The following RFLNA variants were observed in gnomAD, a reference collection of about 807,000 sequenced individuals.
RFLNA encodes refilin A.
RFLNA carries 5 observed loss-of-function variants against 7.8 expected under a neutral mutation model. That is an observed-to-expected ratio of 0.64 (90% confidence interval 0.34 to 1.35). The LOEUF (loss-of-function observed/expected upper bound fraction) is 1.35. Ranked by LOEUF, RFLNA falls within the 40% of genes most tolerant of loss-of-function variation. The pLI, the probability that RFLNA is intolerant of heterozygous loss-of-function variation, is 0.04. For missense variants in RFLNA, 278 were observed against 305.5 expected (o/e 0.91, Z 0.67); for synonymous variants, 141 against 131.3 (o/e 1.07, Z -0.50).
chr12:124,312,340 T>C (rs533507025), intron 2 of RFLNA, among the ~76,000 whole-genome samples: 2 of 150,904 alleles, frequency 1.3e-5, no homozygotes, highest in East Asian at 3.9e-4. Context: ...TGATGGGATC[T>C]CACTGTGTCA....
At chr12:124,300,557 G>GGGAA (rs1297318914) in intron 1 of RFLNA, among the ~76,000 whole-genome samples, 1 of 149,358 alleles carries the variant, frequency 6.7e-6, no homozygotes, top group East Asian at 2.1e-4. Flanking sequence ...TGCTGGGGTT[G>GGGAA]GGAAGGATGG....
chr12:124,303,428 C>A (rs191137697), intron 1 of RFLNA, among the ~76,000 whole-genome samples: 10 of 152,352 alleles, frequency 6.6e-5, no homozygotes, highest in African/African-American at 2.4e-4. Flanking sequence ...TCCTGCCCCC[C>A]ACACTGTCCT....
chr12:124,314,998 T>TC lies in RFLNA; in HGVS notation c.*474dup, dbSNP rs1274925322. The TC allele has an allele frequency of 3.5e-6, 1 of 283,614 alleles. No homozygotes were observed. The highest frequency in any genetic ancestry group is 2.2e-5 in the African/African-American group (1 of 45,590). 17.6% of individuals were successfully genotyped at this position (283,614 alleles called of 1,614,324 possible). ...ATGTGTGAGGGAAGAGGGGTACCTC[T>TC]CTTCCCTGCTGCTGGCCTGGGGTAT... On this transcript the variant is annotated 3_prime_UTR_variant, in exon 3 of 3. Coordinates refer to ENST00000546355, the MANE Select transcript of RFLNA (RefSeq NM_001365156.1).
chr12:124,290,281 T>C (rs999333206), upstream of RFLNA, among the ~76,000 whole-genome samples: 3 of 152,232 alleles, frequency 2.0e-5, no homozygotes, highest in Admixed American at 6.5e-5. This position sits in a 1 kb window ranked among gnomAD's most constrained non-coding sequence, Gnocchi z 4.0. Flanking sequence ...TGTGTATATG[T>C]ATGTATGTGC....
intron 1 of RFLNA, among the ~76,000 whole-genome samples, chr12:124,307,379 C>A (rs1344071178): frequency 2.7e-5 from 4 of 150,474 alleles, no homozygotes; most frequent in Admixed American, 6.6e-5. Context: ...GTGACTCCCA[C>A]CCCCAGGAGT....
intron 1 of RFLNA, among the ~76,000 whole-genome samples, chr12:124,303,842 C>A (rs1310747967): frequency 6.6e-6 from 1 of 151,882 alleles, no homozygotes; most frequent in Non-Finnish European, 1.5e-5. Flanking sequence ...CCTCACAGAC[C>A]GGCTGGGGGT....
rs1359178015 is a variant in RFLNA at position 124,314,243 on chromosome 12, C to A, written c.369C>A (p.Val123=). The part of the protein sequence containing the change: ...YASEKHFQDK[V]FYAPVPTVTA... The stretch of plus-strand genomic sequence containing the variant: ...CGGAGAAGCATTTCCAGGACAAGGT[C>A]TTCTATGCGCCCGTACCCACCGTCA... The change falls in exon 3 of 3, where the codon GTC becomes GTA. Residue 123 remains valine, a synonymous_variant. Transcript: ENST00000546355. 6.2e-7 allele frequency: 1 copy of A among 1,613,462 alleles called. No individual in the cohort carries two copies. Among genetic ancestry groups the A allele is most frequent in the African/African-American group, 1.3e-5 (1 of 74,942 alleles).
At chr12:124,297,950 T>C (rs2033960021) in intron 1 of RFLNA, among the ~76,000 whole-genome samples, 1 of 152,076 alleles carries the variant, frequency 6.6e-6, no homozygotes, top group Non-Finnish European at 1.5e-5. Flanking sequence ...GGTGCAAATA[T>C]CGGCACCCCA....
At chr12:124,312,145 C>T (rs1285215704) in intron 2 of RFLNA, among the ~76,000 whole-genome samples, 1 of 152,036 alleles carries the variant, frequency 6.6e-6, no homozygotes, top group African/African-American at 2.4e-5. Flanking sequence ...CCCAAGGGAC[C>T]CTCTGTATCC....
intron 2 of RFLNA, among the ~76,000 whole-genome samples, chr12:124,313,872 C>T (rs949232753): frequency 6.6e-5 from 10 of 152,286 alleles, no homozygotes; most frequent in Non-Finnish European, 1.2e-4. Context: ...CACACGGTGA[C>T]GCCAGCACCT....
chr12:124,298,790 C>T (rs1338268986), intron 1 of RFLNA, among the ~76,000 whole-genome samples: 1 of 152,164 alleles, frequency 6.6e-6, no homozygotes, highest in East Asian at 1.9e-4. Flanking sequence ...TAATAGAAAC[C>T]CACACACACT....
rs748745670 is a variant in RFLNA, at chr12:124,311,930, G to A, written c.317+3G>A. 2 of 1,555,806 alleles carry A rather than the reference G, an allele frequency of 1.3e-6. No homozygotes were observed. The highest frequency in any genetic ancestry group is 1.8e-5 in the Admixed American group (1 of 54,342). On this transcript the variant is annotated splice_donor_region_variant and intron_variant, in intron 2 of 2. Coordinates refer to ENST00000546355, the MANE Select transcript of RFLNA (RefSeq NM_001365156.1). ...CCGGAACCCACGCATGAGATCCGGT[G>A]AGTGGGCCACTGGGCTCTGCGCGGG...
upstream of RFLNA, among the ~76,000 whole-genome samples, chr12:124,292,519 G>T (rs1022252067): frequency 6.6e-6 from 1 of 152,210 alleles, no homozygotes; most frequent in African/African-American, 2.4e-5. Context: ...CACAGTACCG[G>T]CTTTCAATTG....
intron 1 of RFLNA, among the ~76,000 whole-genome samples, chr12:124,309,887 G>A (rs1050292722): frequency 6.6e-6 from 1 of 152,160 alleles, no homozygotes; most frequent in African/African-American, 2.4e-5. Context: ...AGGCTTTAGG[G>A]GCCAGGCGTG....
At chr12:124,291,417 G>A (rs1344261714), upstream of RFLNA, among the ~76,000 whole-genome samples, 18 of 152,018 alleles carry the variant, frequency 1.2e-4, no homozygotes, top group African/African-American at 4.1e-4. Context: ...ACCACACCTG[G>A]CTAATTTTTA....
chr12:124,308,019 T>C (rs2135688314), intron 1 of RFLNA, among the ~76,000 whole-genome samples: 1 of 151,372 alleles, frequency 6.6e-6, no homozygotes, highest in South Asian at 2.1e-4. Context: ...TCCCGCTCTG[T>C]TGCCCAGGCT....
chr12:124,297,379 C>T (rs1019212717), intron 1 of RFLNA, among the ~76,000 whole-genome samples: 179 of 152,210 alleles, frequency 1.2e-3, no homozygotes, highest in Non-Finnish European at 2.2e-3. Context: ...AAGCAAAGCC[C>T]GGGGCTGTTT....
chr12:124,302,840 AGGGCCGAGGTCAGGGGCCGAGGTCAG>A (rs1444601154), intron 1 of RFLNA, among the ~76,000 whole-genome samples: 1 of 64,898 alleles, frequency 1.5e-5, no homozygotes, highest in South Asian at 5.7e-4. Context: ...CCGAGGTCAG[AGGGCCGAGGTCAGGGGCCGAGGTCAG>A]GGGCCGAGGT....
At chr12:124,299,937 G>A (rs73417857) in intron 1 of RFLNA, among the ~76,000 whole-genome samples, 8,284 of 152,294 alleles carry the variant, frequency 0.054, 688 homozygotes, top group African/African-American at 0.17. Flanking sequence ...GGTTGGCATC[G>A]TGGAGGAATG....
Sources: gnomAD v4.1 joint callset for allele counts (sites outside exome capture counted in the v4.1 genomes callset) on GRCh38, gnomAD v4.1.1 for gene constraint, Gnocchi (gnomAD v3.1) non-coding constraint, MANE v1.5 for transcripts, NCBI Gene and HGNC (gene_info 2026-07-23, HGNC 2026-07-21) for gene names.